Variants in PARD3B observed in about 807,000 individuals in gnomAD.
PARD3B encodes partitioning defective 3 homolog B.
Under a neutral mutation model 130.2 loss-of-function variants are expected in PARD3B, and 103 were observed. That is an observed-to-expected ratio of 0.79 (90% CI 0.67 to 0.93). The LOEUF (loss-of-function observed/expected upper bound fraction) is 0.93. Among genes scored for constraint, PARD3B ranks in the 40% least tolerant of loss-of-function variants. The pLI is 0.00. For synonymous variants in PARD3B, 583 were observed against 553.2 expected, an observed-to-expected ratio of 1.05 and a Z score of -0.76; for missense variants, 1,609 against 1,499.2, an observed-to-expected ratio of 1.07 and a Z score of -1.21.
intron 18 of PARD3B, among the ~76,000 whole-genome samples, chr2:205,340,268 T>G (rs2043473760): frequency 6.6e-6 from 1 of 152,022 alleles, no homozygotes; most frequent in Non-Finnish European, 1.5e-5. Flanking sequence ...AAAATCTACG[T>G]AGAACCACAA....
At chr2:205,464,328 A>T (rs2048551482) in intron 20 of PARD3B, among the ~76,000 whole-genome samples, 1 of 152,214 alleles carries the variant, frequency 6.6e-6, no homozygotes, top group African/African-American at 2.4e-5. Context: ...GTTGGTTAGT[A>T]GACTAGGAAA....
intron 2 of PARD3B, among the ~76,000 whole-genome samples, chr2:204,763,927 A>G (rs1201118309): frequency 6.6e-6 from 1 of 152,220 alleles, no homozygotes; most frequent in Admixed American, 6.5e-5. Flanking sequence ...TACTTAGAAA[A>G]TGAATATGTG....
chr2:205,056,027 G>A (rs1699609791), intron 4 of PARD3B, among the ~76,000 whole-genome samples: 1 of 152,022 alleles, frequency 6.6e-6, no homozygotes. Context: ...TCTTCCATAG[G>A]TTCTGAACTT....
At chr2:204,864,655 C>G (rs889277982) in intron 2 of PARD3B, among the ~76,000 whole-genome samples, 1 of 152,130 alleles carries the variant, frequency 6.6e-6, no homozygotes, top group Admixed American at 6.5e-5. Context: ...TCCTGGCATT[C>G]GTTACTATCT....
intron 1 of PARD3B, among the ~76,000 whole-genome samples, chr2:204,594,328 T>A (rs1008355014): frequency 6.6e-6 from 1 of 152,170 alleles, no homozygotes; most frequent in Non-Finnish European, 1.5e-5. Context: ...CTATTCCTTT[T>A]CCACAGAGTT....
intron 10 of PARD3B, among the ~76,000 whole-genome samples, chr2:205,126,703 G>A (rs556423111): frequency 4.1e-4 from 53 of 129,448 alleles, no homozygotes; most frequent in Middle Eastern, 5.3e-3. Context: ...CCGAGATTGC[G>A]CCACTGCAGT....
At chr2:205,151,212 A>G (rs849129) in intron 10 of PARD3B, among the ~76,000 whole-genome samples, 117,118 of 152,072 alleles carry the variant, frequency 0.77, 45,428 homozygotes, top group Admixed American at 0.82. Context: ...TAAGTGTGAT[A>G]TGGTGCTGAG....
At chr2:204,774,317 C>T (rs2041518688) in intron 2 of PARD3B, among the ~76,000 whole-genome samples, 1 of 151,976 alleles carries the variant, frequency 6.6e-6, no homozygotes, top group Non-Finnish European at 1.5e-5. Flanking sequence ...TGTACTTTGT[C>T]CTCAGAATTC....
intron 1 of PARD3B, among the ~76,000 whole-genome samples, chr2:204,658,075 T>C (rs1429889387): frequency 6.6e-6 from 1 of 152,224 alleles, no homozygotes; most frequent in Non-Finnish European, 1.5e-5. Context: ...GCAGCTATTA[T>C]AAAGGCTCTA....
chr2:204,782,843 C>T (rs1040836508), intron 2 of PARD3B, among the ~76,000 whole-genome samples: 8 of 151,736 alleles, frequency 5.3e-5, no homozygotes, highest in Non-Finnish European at 8.8e-5. Context: ...TTTTTTATTT[C>T]CATACTGTTG....
chr2:204,803,159 A>ATATATAT (rs1310418905), intron 2 of PARD3B, among the ~76,000 whole-genome samples: 24 of 121,166 alleles, frequency 2.0e-4, no homozygotes, highest in African/African-American at 7.1e-4. Context: ...AAAAAAAAAA[A>ATATATAT]AAAAATATAT....
intron 4 of PARD3B, among the ~76,000 whole-genome samples, chr2:205,058,068 T>C (rs1262062142): frequency 6.6e-6 from 1 of 151,742 alleles, no homozygotes; most frequent in Non-Finnish European, 1.5e-5. Flanking sequence ...TAACTCCTTA[T>C]TCCCTCCTTT....
intron 2 of PARD3B, among the ~76,000 whole-genome samples, chr2:204,864,896 A>G (rs180752954): frequency 5.9e-5 from 9 of 152,204 alleles, no homozygotes; most frequent in Admixed American, 3.9e-4. Context: ...ACCACAAGAC[A>G]TCATCCCTGG....
At chr2:204,567,025 C>G (rs2031718067) in intron 1 of PARD3B, among the ~76,000 whole-genome samples, 1 of 151,952 alleles carries the variant, frequency 6.6e-6, no homozygotes, top group Non-Finnish European at 1.5e-5. Context: ...ATTACAGGTG[C>G]CCACCACCAC....
At chr2:204,568,342 C>T (rs982327511) in intron 1 of PARD3B, among the ~76,000 whole-genome samples, 2 of 151,984 alleles carry the variant, frequency 1.3e-5, no homozygotes, top group African/African-American at 4.8e-5. Context: ...TTAACAATAA[C>T]AGAAAAAGAA....
chr2:205,156,355 A>G (rs1438719593), intron 10 of PARD3B, among the ~76,000 whole-genome samples: 1 of 151,870 alleles, frequency 6.6e-6, no homozygotes, highest in Admixed American at 6.6e-5. Context: ...TGGCACATGT[A>G]TACATATGTA....
At chr2:204,685,841 CAAG>C (rs1245803072) in intron 1 of PARD3B, among the ~76,000 whole-genome samples, 10 of 152,132 alleles carry the variant, frequency 6.6e-5, no homozygotes, top group Non-Finnish European at 1.3e-4. Flanking sequence ...AAAGTACCCT[CAAG>C]AAGATCTTTC....
At chr2:205,169,260 G>A (rs897153345) in intron 11 of PARD3B, among the ~76,000 whole-genome samples, 6 of 152,064 alleles carry the variant, frequency 3.9e-5, no homozygotes, top group African/African-American at 1.4e-4. Flanking sequence ...CAACTCTCTG[G>A]TGATGCTTGT....
intron 19 of PARD3B, among the ~76,000 whole-genome samples, chr2:205,438,262 C>T (rs76908536): frequency 0.042 from 6,373 of 152,184 alleles, 140 homozygotes; most frequent in Middle Eastern, 0.061. Context: ...ACGTACTCAG[C>T]AAGTTTAATT....
Sources: allele counts gnomAD v4.1 joint callset (sites outside exome capture counted in the v4.1 genomes callset), GRCh38; gene constraint gnomAD v4.1.1; transcripts MANE v1.5; gene names NCBI Gene and HGNC (gene_info 2026-07-23, HGNC 2026-07-21).